CHAT: variants seen among roughly 807,000 people sequenced by gnomAD.
The protein encoded by CHAT is choline O-acetyltransferase.
In CHAT, 61 loss-of-function variants were observed where a neutral mutation model predicts 76.9. The ratio of observed to expected loss-of-function variants is 0.79; its 90% CI spans 0.65 to 0.98. The LOEUF (loss-of-function observed/expected upper bound fraction) is 0.98, where lower values mean the gene tolerates loss of function less well. CHAT is among the 50% of genes least tolerant of loss of function. CHAT has a pLI of 0.00. For synonymous variants in CHAT, 407 were observed against 397.4 expected (o/e 1.02, Z -0.29); for missense variants, 946 against 986.9 (o/e 0.96, Z 0.56).
chr10:49,646,471 A>G lies in CHAT; in HGVS notation c.1112-34A>G, dbSNP rs775978224. 1.7e-5 allele frequency: 28 copies of G among 1,613,378 alleles called. No individual in the cohort carries two copies. In the South Asian group the frequency reaches 3.1e-4, roughly 18 times the overall value. ...GGAGGGAAGACTGGCCTGGAGCGGG[A>G]CAGGTGCTAGGGCTGTGCCTGCCTC... On this transcript the variant is annotated intron_variant, in intron 7 of 14. Coordinates refer to ENST00000337653, the MANE Select transcript of CHAT (RefSeq NM_020549.5).
At chr10:49,631,294 C>G (rs934005111) in intron 7 of CHAT, among the ~76,000 whole-genome samples, 1 of 152,210 alleles carries the variant, frequency 6.6e-6, no homozygotes, top group Non-Finnish European at 1.5e-5. Context: ...CTCCTGACAC[C>G]TCTCTCCTTG....
At chr10:49,659,545 G>A (rs1352606088) in intron 13 of CHAT, among the ~76,000 whole-genome samples, 1 of 152,180 alleles carries the variant, frequency 6.6e-6, no homozygotes, top group Non-Finnish European at 1.5e-5. Flanking sequence ...AATTCTTGCT[G>A]CATGTTTAGG....
chr10:49,611,674 A>C, upstream of CHAT: 2 of 1,611,006 alleles, frequency 1.2e-6, no homozygotes, highest in East Asian at 4.5e-5. Flanking sequence ...CGAACCCACC[A>C]TTGCCACGTG....
upstream of CHAT, chr10:49,610,733 G>C: frequency 2.7e-6 from 4 of 1,506,392 alleles, no homozygotes; most frequent in Non-Finnish European, 3.5e-6. Flanking sequence ...GAGCATCGGG[G>C]TGGGGGCATG....
At chr10:49,627,580 T>C (rs1271550021) in intron 6 of CHAT, 28 bp from the exon 7 acceptor site, 4 of 1,613,336 alleles carry the variant, frequency 2.5e-6, no homozygotes, top group African/African-American at 1.3e-5. Context: ...ACCCAACAAG[T>C]GACATGTTTG....
intron 11 of CHAT, 102 bp downstream of exon 11, chr10:49,652,108 T>TGGGCCTGGAAGACTGGAGA: frequency 6.6e-7 from 1 of 1,516,964 alleles, no homozygotes; most frequent in Non-Finnish European, 9.1e-7. Context: ...CAGCCTTCTG[T>TGGGCCTGGAAGACTGGAGA]GGGCCTGGAA....
intron 7 of CHAT, among the ~76,000 whole-genome samples, chr10:49,645,776 T>G (rs1370732965): frequency 6.6e-6 from 1 of 152,174 alleles, no homozygotes; most frequent in African/African-American, 2.4e-5. Context: ...ACCTGCTTAC[T>G]CTAGAAGAAT....
upstream of CHAT, chr10:49,611,658 C>T (rs532084104): frequency 1.9e-6 from 3 of 1,611,898 alleles, no homozygotes; most frequent in Non-Finnish European, 2.5e-6. Flanking sequence ...TTCCCCTCGC[C>T]TTCCTCGAAC....
At chr10:49,621,602 T>C (rs1365639611) in intron 4 of CHAT, among the ~76,000 whole-genome samples, 1 of 152,114 alleles carries the variant, frequency 6.6e-6, no homozygotes, top group Non-Finnish European at 1.5e-5. Context: ...GAGAAAATTT[T>C]CCACAAGGCC....
At chr10:49,641,480 T>C (rs1839478962) in intron 7 of CHAT, among the ~76,000 whole-genome samples, 1 of 152,222 alleles carries the variant, frequency 6.6e-6, no homozygotes, top group African/African-American at 2.4e-5. Context: ...AGGTGCCTGA[T>C]GTAACTCAAG....
At chr10:49,643,228 A>G (rs570327740) in intron 7 of CHAT, among the ~76,000 whole-genome samples, 1 of 152,360 alleles carries the variant, frequency 6.6e-6, no homozygotes, top group African/African-American at 2.4e-5. Flanking sequence ...AGGTTAGCTA[A>G]TAGCATCACA....
chr10:49,619,809 C>A lies in CHAT; in HGVS notation c.472C>A (p.Gln158Lys). ...CATGCGACACTTGGTGTCTGAGGAG[C>A]AGTTCAGGAAGAGCCAGGCCATTGT... Reference protein sequence around the residue: ...QCMRHLVSEEQFRKSQAIVQQ... With the variant: ...QCMRHLVSEEKFRKSQAIVQQ... Residue 158 changes from glutamine to lysine, a missense_variant, in exon 3 of 15, where the codon CAG (glutamine) becomes AAG (lysine). Around this residue, in one of 3 missense-constraint regions of CHAT, gnomAD observed 548 missense variants for 516.2 expected, o/e 1.06. Transcript: ENST00000337653. 1 of 1,614,116 alleles carries A rather than the reference C, an allele frequency of 6.2e-7. No homozygotes were observed. Among genetic ancestry groups the A allele is most frequent in the African/African-American group, 1.3e-5 (1 of 75,054 alleles).
upstream of CHAT, chr10:49,611,952 G>T (rs1460228975): frequency 2.5e-6 from 4 of 1,612,520 alleles, no homozygotes; most frequent in African/African-American, 2.7e-5. Context: ...TGCTGCCCAC[G>T]CTCGCCTTCC....
At position 49,646,087 on chromosome 10, in the gene CHAT, T is replaced by C. The variant is rs146332490; in HGVS notation, c.1112-418T>C. ...AGTCATAGTTCAGCACAAACAAGCA[T>C]GCCTACACACAGATGTGGCTCACAG... On this transcript the variant is annotated intron_variant, in intron 7 of 14. Transcript: ENST00000337653. Among the ~76,000 whole-genome samples, 50 of 152,394 alleles carry C rather than the reference T, an allele frequency of 3.3e-4. 1 individual carries two copies. The highest frequency in any genetic ancestry group is 3.4e-3 in the Middle Eastern group (1 of 294).
Position 49,619,923 on chromosome 10 carries a change from G to A in CHAT, c.579+7G>A. The A allele has an allele frequency of 6.2e-7, 1 of 1,609,282 alleles. No individual in the cohort carries two copies. The highest frequency in any genetic ancestry group is 8.5e-7 in the Non-Finnish European group (1 of 1,178,324). On this transcript the variant is annotated splice_region_variant and intron_variant, in intron 3 of 14. Transcript: ENST00000337653. ...GGAGAAGACAGCCAACTGGGTAAGA[G>A]GGGCAGACAAGGAACCCATAGAAGA...
At chr10:49,660,934 T>C (rs1414266211) in intron 13 of CHAT, among the ~76,000 whole-genome samples, 1 of 152,158 alleles carries the variant, frequency 6.6e-6, no homozygotes, top group African/African-American at 2.4e-5. Flanking sequence ...AAAGTTCCAA[T>C]GGCAAGGTGG....
chr10:49,632,616 C>T (rs1348732566), intron 7 of CHAT, among the ~76,000 whole-genome samples: 1 of 152,148 alleles, frequency 6.6e-6, no homozygotes, highest in Non-Finnish European at 1.5e-5. Context: ...ACCAAGGAGA[C>T]TGCGCTCAGA....
rs1157881522 is a variant in CHAT, at chr10:49,614,386, G to GC, written c.203dup (p.Pro69ThrfsTer12). 2 of 1,520,672 alleles carry GC rather than the reference G, an allele frequency of 1.3e-6. No individual in the cohort carries two copies. The highest frequency in any genetic ancestry group is 1.8e-6 in the Non-Finnish European group (2 of 1,122,826). The allele number at this position is 1,520,672 out of a possible 1,614,324, so 94.2% of individuals were successfully genotyped here. ...AGCCCCCACCCCCGCGCTGCGACACGCCCCCCACCCCTTCCGGCTCACACC... is the reference window on the plus strand; with the variant it reads ...AGCCCCCACCCCCGCGCTGCGACACGCCCCCCCACCCCTTCCGGCTCACACC... On this transcript the variant is annotated frameshift_variant, in exon 1 of 15. Coordinates refer to ENST00000337653, the MANE Select transcript of CHAT (RefSeq NM_020549.5). LOFTEE classifies it high-confidence loss of function.
intron 8 of CHAT, 142 bp downstream of exon 8, chr10:49,646,816 G>C: frequency 3.1e-6 from 3 of 965,802 alleles, no homozygotes; most frequent in Non-Finnish European, 4.8e-6. Flanking sequence ...TGCCTAAGAG[G>C]CTGGGTCTGA....
Sources: gnomAD v4.1 joint callset for allele counts (sites outside exome capture counted in the v4.1 genomes callset) on GRCh38, gnomAD v4.1.1 for gene constraint, gnomAD v4.1.1 regional missense constraint, MANE v1.5 for transcripts, NCBI Gene and HGNC (gene_info 2026-07-23, HGNC 2026-07-21) for gene names.